The following HDHD2 variants were observed in gnomAD, a reference collection of about 807,000 sequenced individuals.
HDHD2 encodes haloacid dehalogenase like hydrolase domain containing 2.
HDHD2 carries 26 observed loss-of-function variants against 24.8 expected under a neutral mutation model. The observed-to-expected ratio is 1.05, with a 90% CI of 0.77 to 1.45. HDHD2 has a LOEUF of 1.45. Ranked by LOEUF, HDHD2 falls within the 40% of genes most tolerant of loss-of-function variation. The pLI is 0.00. For missense variants in HDHD2, 299 were observed against 313.4 expected (o/e 0.95, Z 0.35); for synonymous variants, 128 against 114.9 (o/e 1.11, Z -0.73).
At chr18:47,139,005 T>G (rs2063794349) in intron 1 of HDHD2, among the ~76,000 whole-genome samples, 1 of 152,168 alleles carries the variant, frequency 6.6e-6, no homozygotes, top group Admixed American at 6.5e-5. Flanking sequence ...TTTGGGGAGC[T>G]GATCACATGG....
chr18:47,146,737 AAAG>A, intron 1 of HDHD2, among the ~76,000 whole-genome samples: 1 of 152,346 alleles, frequency 6.6e-6, no homozygotes, highest in Non-Finnish European at 1.5e-5. Context: ...GCAAGTCAAA[AAAG>A]AATATATACA....
chr18:47,132,456 C>T (rs1187984205), intron 3 of HDHD2, among the ~76,000 whole-genome samples: 2 of 152,136 alleles, frequency 1.3e-5, no homozygotes, highest in African/African-American at 4.8e-5. Flanking sequence ...GAGATAGATT[C>T]CTACAAGTGC....
Position 47,131,062 on chromosome 18 carries a change from C to T in HDHD2, c.311-734G>A, listed in dbSNP as rs558593846. Among the ~76,000 whole-genome samples, 8 of 152,204 alleles carry T rather than the reference C, an allele frequency of 5.3e-5. No homozygotes were observed. The East Asian group carries it at 1.4e-3, about 26-fold the overall frequency. On this transcript the variant is annotated intron_variant, in intron 3 of 6. Transcript: ENST00000300605. The stretch of plus-strand genomic sequence containing the variant: ...TGCGATCTCAGCTCACCACAACCTC[C>T]GCCTCCCAGGTTCAAGCAATTCTCC...
rs1468828893 is a variant in HDHD2, at chr18:47,115,143, T to C, written c.601A>G (p.Met201Val). The C allele has an allele frequency of 1.2e-6, 2 of 1,612,984 alleles. No homozygotes were observed. Among genetic ancestry groups the C allele is most frequent in the African/African-American group, 1.3e-5 (1 of 74,870 alleles). ...GTTCTTCTACTTACATCTCCTATCATGACAGCCTCCTCAGGTTCACAGCCA... is the reference window on the plus strand; with the variant it reads ...GTTCTTCTACTTACATCTCCTATCACGACAGCCTCCTCAGGTTCACAGCCA... Reference protein sequence around the residue: ...GTGCEPEEAVMIGDDCRDDVG... With the variant: ...GTGCEPEEAVVIGDDCRDDVG... The change falls in exon 5 of 7, where the codon ATG becomes GTG. Residue 201 changes from methionine to valine, a missense_variant. Transcript: ENST00000300605.
rs2063548959 is a variant in HDHD2, at chr18:47,115,269, G to A, written c.475C>T (p.Pro159Ser). 2 of 1,613,998 alleles carry A rather than the reference G, an allele frequency of 1.2e-6. No individual in the cohort carries two copies. The change falls in exon 5 of 7, where the codon CCT becomes TCT. Residue 159 changes from proline to serine, a missense_variant. By Grantham distance (74) the Pro-to-Ser change is moderately conservative. Transcript: ENST00000300605. Reference sequence around the variant, plus strand: ...TCTAAAGCAGTCACAAATGGTCCAGGCCCCAGGGCTAAGCCATCTTTCCTC... The same window carrying A: ...TCTAAAGCAGTCACAAATGGTCCAGACCCCAGGGCTAAGCCATCTTTCCTC... ...YKRKDGLALGPGPFVTALEYA... is the reference protein window; with the variant it reads ...YKRKDGLALGSGPFVTALEYA...
intron 2 of HDHD2, among the ~76,000 whole-genome samples, chr18:47,135,487 C>G (rs545254773): frequency 6.6e-6 from 1 of 152,128 alleles, no homozygotes; most frequent in African/African-American, 2.4e-5. Flanking sequence ...TCTCGAACTC[C>G]CGACCTCAGG....
At chr18:47,147,924 G>T (rs942723507) in intron 1 of HDHD2, among the ~76,000 whole-genome samples, 9 of 151,736 alleles carry the variant, frequency 5.9e-5, no homozygotes, top group South Asian at 2.1e-4. Context: ...TCTTCAGTTA[G>T]TCCCACTAAC....
rs2063524206 is a variant in HDHD2 at position 47,112,610 on chromosome 18, A to G, written c.676+367T>C. ...CTTAGCTGGCCAGTTTCCTAAAGAA[A>G]TCAGTATCACAGGTATAGCCAGCAC... is the stretch of plus-strand genomic sequence containing the variant. On this transcript the variant is annotated intron_variant, in intron 6 of 6. Coordinates refer to ENST00000300605, the MANE Select transcript of HDHD2 (RefSeq NM_032124.5). 2.0e-5 allele frequency among the ~76,000 whole-genome samples: 3 copies of G among 152,232 alleles called. No individual in the cohort carries two copies. The South Asian group carries it at 6.2e-4, about 32-fold the overall frequency.
At chr18:47,139,206 C>T (rs907008422) in intron 1 of HDHD2, among the ~76,000 whole-genome samples, 1 of 151,948 alleles carries the variant, frequency 6.6e-6, no homozygotes, top group African/African-American at 2.4e-5. Context: ...CGCCTGTAAT[C>T]CCAGCACTTT....
At chr18:47,129,874 G>A (rs1175818951) in intron 4 of HDHD2, among the ~76,000 whole-genome samples, 1 of 152,106 alleles carries the variant, frequency 6.6e-6, no homozygotes, top group African/African-American at 2.4e-5. Context: ...AAGAGTTGGA[G>A]ACCTCCCTGA....
At chr18:47,146,087 G>T (rs1321157528) in intron 1 of HDHD2, among the ~76,000 whole-genome samples, 2 of 152,014 alleles carry the variant, frequency 1.3e-5, no homozygotes, top group Non-Finnish European at 2.9e-5. Context: ...AAATTAGCTG[G>T]GCATGGTGGC....
chr18:47,115,561 A>C (rs2063552341), intron 4 of HDHD2, among the ~76,000 whole-genome samples: 1 of 149,132 alleles, frequency 6.7e-6, no homozygotes, highest in African/African-American at 2.5e-5. Flanking sequence ...TAGATTATTA[A>C]ATTTGGGATT....
chr18:47,147,288 A>T (rs569272960), intron 1 of HDHD2, among the ~76,000 whole-genome samples: 1 of 152,292 alleles, frequency 6.6e-6, no homozygotes, highest in South Asian at 2.1e-4. Context: ...TCAACTGCAA[A>T]ATCCTACCTT....
At chr18:47,108,889 G>C (rs2063494037) in intron 6 of HDHD2, 104 bp from the exon 7 acceptor site, 1 of 672,136 alleles carries the variant, frequency 1.5e-6, no homozygotes, top group African/African-American at 1.9e-5. Flanking sequence ...TTACAGTTAA[G>C]ACAGAATCAG....
chr18:47,116,457 C>T (rs1455299329), intron 4 of HDHD2, among the ~76,000 whole-genome samples: 2 of 152,104 alleles, frequency 1.3e-5, no homozygotes, highest in Non-Finnish European at 2.9e-5. Flanking sequence ...GAAATGCCTT[C>T]CTGTGGGAGA....
rs964987687 is a variant in HDHD2, at chr18:47,115,397, T to G, written c.396-49A>C. 3 of 1,374,214 alleles carry G rather than the reference T, an allele frequency of 2.2e-6. No homozygotes were observed. In the African/African-American group the frequency reaches 4.3e-5, roughly 20 times the overall value. 85.1% of individuals were successfully genotyped at this position (1,374,214 alleles called of 1,614,324 possible). On this transcript the variant is annotated intron_variant, in intron 4 of 6. Coordinates refer to ENST00000300605, the MANE Select transcript of HDHD2 (RefSeq NM_032124.5). ...AACAAATTGGCTAAAAGCAAGGCTTTTATGACTGGGAACGAATGTCAGACT... is the reference window on the plus strand; with the variant it reads ...AACAAATTGGCTAAAAGCAAGGCTTGTATGACTGGGAACGAATGTCAGACT...
At chr18:47,146,178 C>T (rs1432403774) in intron 1 of HDHD2, among the ~76,000 whole-genome samples, 3 of 141,972 alleles carry the variant, frequency 2.1e-5, no homozygotes, top group Admixed American at 7.3e-5. Context: ...GCAGTGAGGC[C>T]GAGATCACAC....
At chr18:47,137,149 G>C in intron 1 of HDHD2, 1 of 724,440 alleles carries the variant, frequency 1.4e-6, no homozygotes, top group South Asian at 1.4e-5. Flanking sequence ...GTAAACTAAT[G>C]AAAGACTATT....
chr18:47,108,522 G>A lies in HDHD2; in HGVS notation c.*160C>T, dbSNP rs545394474. On this transcript the variant is annotated 3_prime_UTR_variant, in exon 7 of 7. Coordinates refer to ENST00000300605, the MANE Select transcript of HDHD2 (RefSeq NM_032124.5). Reference sequence around the variant, plus strand: ...GATTAGCAAGGCTTACTGGCTAGCCGCAATTCAATACCTTTCTTTCTAATT... The same window carrying A: ...GATTAGCAAGGCTTACTGGCTAGCCACAATTCAATACCTTTCTTTCTAATT... 1.1e-5 allele frequency: 5 copies of A among 468,986 alleles called. No homozygotes were observed. The highest frequency in any genetic ancestry group is 4.2e-5 in the Admixed American group (1 of 23,932). 29.1% of individuals were successfully genotyped at this position (468,986 alleles called of 1,614,324 possible). A position where few individuals can be genotyped will look rare whatever the true frequency, so the allele number is the denominator to read the frequency against.
Sources: gnomAD v4.1 joint callset for allele counts (sites outside exome capture counted in the v4.1 genomes callset) on GRCh38, gnomAD v4.1.1 for gene constraint, MANE v1.5 for transcripts, NCBI Gene and HGNC (gene_info 2026-07-23, HGNC 2026-07-21) for gene names.